PER2: variants seen among roughly 807,000 people sequenced by gnomAD.
PER2 encodes period circadian regulator 2.
Under a neutral mutation model 121.0 loss-of-function variants are expected in PER2, and 66 were observed. That is an observed-to-expected ratio of 0.55 (90% CI 0.45 to 0.67). The LOEUF is 0.67. PER2 is among the 30% of genes least tolerant of loss of function. The pLI, the probability that PER2 is intolerant of heterozygous loss-of-function variation, is 0.00. For synonymous variants in PER2, 684 were observed against 659.9 expected (o/e 1.04, Z -0.56); for missense variants, 1,521 against 1,635.0 (o/e 0.93, Z 1.20).
rs1001933189 is a variant in PER2, at chr2:238,253,095, G to T, written c.2928C>A (p.Ala976=). 6.2e-7 allele frequency: 1 copy of T among 1,609,138 alleles called. No homozygotes were observed. Among genetic ancestry groups the T allele is most frequent in the Non-Finnish European group, 8.5e-7 (1 of 1,176,468 alleles). ...TGCGGGACTGAAAGAGCGGTGGGGA[G>T]GCCCTACCCATGGCCGATGGTGGGG... The part of the protein sequence containing the change: ...RATPPSAMGR[A]SPPLFQSRSS... Residue 976 remains alanine, a synonymous_variant, in exon 19 of 23, where the codon GCC becomes GCA. Coordinates refer to ENST00000254657, the MANE Select transcript of PER2 (RefSeq NM_022817.3). This position sits in a 1 kb window ranked among gnomAD's most constrained non-coding sequence, Gnocchi z 5.6.
intron 1 of PER2, among the ~76,000 whole-genome samples, chr2:238,286,788 C>G (rs1696802347): frequency 1.3e-5 from 2 of 152,246 alleles, no homozygotes; most frequent in Non-Finnish European, 2.9e-5. Context: ...GTTACATCAT[C>G]GCTTAAAAAC....
In PER2 at chr2:238,255,781, T is replaced by C; in HGVS notation, c.2196A>G (p.Ala732=). The C allele has an allele frequency of 6.2e-7, 1 of 1,614,218 alleles. No homozygotes were observed. Among genetic ancestry groups the C allele is most frequent in the Non-Finnish European group, 8.5e-7 (1 of 1,180,018 alleles). The change falls in exon 18 of 23, where the codon GCA becomes GCG. Residue 732 remains alanine, a synonymous_variant. Transcript: ENST00000254657. The part of the protein sequence containing the change: ...KLGLTKEVLA[A]HTQKEEQSFL... ...AGCTCTGCTCCTCCTTCTGTGTGTG[T>C]GCAGCGAGTACCTCCTTGGTGAGGC... is the stretch of plus-strand genomic sequence containing the variant.
chr2:238,248,724 T>C (rs144245399), intron 22 of PER2, among the ~76,000 whole-genome samples: 2,934 of 151,826 alleles, frequency 0.019, 101 homozygotes, highest in East Asian at 0.12. Context: ...GGTGCCATCT[T>C]GGCTCCCTGC....
At chr2:238,274,982 A>G (rs1696407692) in intron 4 of PER2, among the ~76,000 whole-genome samples, 1 of 152,216 alleles carries the variant, frequency 6.6e-6, no homozygotes, top group African/African-American at 2.4e-5. Context: ...CTCACTGCTG[A>G]TGAAAAACTA....
chr2:238,251,616 G>GCGTC lies in PER2; in HGVS notation c.3253_3256dup (p.Ala1086GlyfsTer10), dbSNP rs771651674. ...CAACATACCTGCCCCACTCGGGGAGGCGTCGCAGCCCAGTGAGCCGGAGCC... is the reference window on the plus strand; with the variant it reads ...CAACATACCTGCCCCACTCGGGGAGGCGTCCGTCGCAGCCCAGTGAGCCGGAGCC... On this transcript the variant is annotated frameshift_variant, in exon 20 of 23. Coordinates refer to ENST00000254657, the MANE Select transcript of PER2 (RefSeq NM_022817.3). LOFTEE classifies it high-confidence loss of function. The GCGTC allele has an allele frequency of 1.2e-6, 2 of 1,614,192 alleles. No homozygotes were observed. The highest frequency in any genetic ancestry group is 2.7e-5 in the African/African-American group (2 of 75,066).
chr2:238,253,433 T>C lies in PER2; in HGVS notation c.2590A>G (p.Thr864Ala). 6.2e-7 allele frequency: 1 copy of C among 1,611,780 alleles called. No individual in the cohort carries two copies. Among genetic ancestry groups the C allele is most frequent in the South Asian group, 1.1e-5 (1 of 90,978 alleles). ...GGAGGTGCCGGGGGTGCTGCCACAGTCCCTGGCGCTGGAAACACGGGCAGT... is the reference window on the plus strand; with the variant it reads ...GGAGGTGCCGGGGGTGCTGCCACAGCCCCTGGCGCTGGAAACACGGGCAGT... The part of the protein sequence containing the change: ...YSLPVFPAPG[T>A]VAAPPAPPHA... Residue 864 changes from threonine (T) to alanine (A), a missense_variant, in exon 19 of 23, where the codon ACT becomes GCT. Transcript: ENST00000254657. The surrounding 1 kb of genome is among the most constrained non-coding windows in gnomAD (Gnocchi z 5.6).
chr2:238,258,185 A>G (rs1331254969), intron 16 of PER2, 91 bp downstream of exon 16: 9 of 1,385,724 alleles, frequency 6.5e-6, no homozygotes, highest in East Asian at 2.3e-5. Flanking sequence ...ACACCCTTAC[A>G]CTGTGTCCAC....
rs202103918 is a variant in PER2, at chr2:238,258,587, C to A, written c.1685G>T (p.Ser562Ile). Residue 562 changes from serine to isoleucine, a missense_variant, in exon 15 of 23, where the codon AGC becomes ATC. Coordinates refer to ENST00000254657, the MANE Select transcript of PER2 (RefSeq NM_022817.3). ...KKAVPAMEKD[S>I]LGVSFPEELA... ...CTCCTCGGGGAAGCTGACCCCCAGG[C>A]TGTCCTTTTCCATGGCAGGGACAGC... 4 of 1,614,096 alleles carry A rather than the reference C, an allele frequency of 2.5e-6. No homozygotes were observed. Among genetic ancestry groups the A allele is most frequent in the African/African-American group, 2.7e-5 (2 of 75,068 alleles).
At position 238,251,778 on chromosome 2, in the gene PER2, C is replaced by A. The variant is rs77082809; in HGVS notation, c.3112-17G>T. ...TTCATCACGCTTTAGGGACAGGAAG[C>A]AGATACTGCTGTTCAGGGGCTCAGT... On this transcript the variant is annotated splice_polypyrimidine_tract_variant and intron_variant, in intron 19 of 22. Transcript: ENST00000254657. 7,350 of 1,442,594 alleles carry A rather than the reference C, an allele frequency of 5.1e-3. 203 individuals carry two copies. In the East Asian group the frequency reaches 0.063, roughly 12 times the overall value. The allele number at this position is 1,442,594 out of a possible 1,614,324, so 89.4% of individuals were successfully genotyped here.
rs1175710847 is a variant in PER2 at position 238,244,719 on chromosome 2, AC to A, written c.*1655del. The A allele has an allele frequency of 6.6e-6, 1 of 152,234 alleles. No individual in the cohort carries two copies. The highest frequency in any genetic ancestry group is 2.4e-5 in the African/African-American group (1 of 41,456). The allele number at this position is 152,234 out of a possible 1,614,324, so 9.4% of individuals were successfully genotyped here. On this transcript the variant is annotated 3_prime_UTR_variant, in exon 23 of 23. Transcript: ENST00000254657. Reference sequence around the variant, plus strand: ...TTTTACGATGAAAACCTAGTGGATTACAAAGAGATTTCACCTCCATCAAAAA... The same window carrying A: ...TTTTACGATGAAAACCTAGTGGATTAAAAGAGATTTCACCTCCATCAAAAA...
rs981079558 is a variant in PER2, at chr2:238,266,185, G to C, written c.968-595C>G. 3.3e-5 allele frequency among the ~76,000 whole-genome samples: 5 copies of C among 152,274 alleles called. No individual in the cohort carries two copies. The South Asian group carries it at 1.0e-3, about 32-fold the overall frequency. ...CCCAAAGTGCTGGGACTACAGGCGTGAGCCACTGCGCCCGGCCCCATCTTT... is the reference window on the plus strand; with the variant it reads ...CCCAAAGTGCTGGGACTACAGGCGTCAGCCACTGCGCCCGGCCCCATCTTT... On this transcript the variant is annotated intron_variant, in intron 8 of 22. Coordinates refer to ENST00000254657, the MANE Select transcript of PER2 (RefSeq NM_022817.3).
intron 1 of PER2, among the ~76,000 whole-genome samples, chr2:238,286,091 C>G (rs1249808986): frequency 1.3e-5 from 2 of 152,128 alleles, no homozygotes; most frequent in African/African-American, 2.4e-5. Flanking sequence ...GATCTCAATT[C>G]AGACTTTTAA....
At chr2:238,297,578 T>C in the PER2 span, among the ~76,000 whole-genome samples, 2 of 152,152 alleles carry the variant, frequency 1.3e-5, no homozygotes, top group African/African-American at 4.8e-5. Flanking sequence ...CACAGGAAGA[T>C]GAGGAATGGG....
chr2:238,256,049 C>G (rs1457042871), intron 17 of PER2, 138 bp from the exon 18 acceptor site: 112 of 1,111,238 alleles, frequency 1.0e-4, no homozygotes, highest in Non-Finnish European at 9.2e-5. Flanking sequence ...ATGAGACTCA[C>G]AGCGTTTTCA....
intron 8 of PER2, among the ~76,000 whole-genome samples, chr2:238,266,119 G>A (rs977203596): frequency 1.3e-5 from 2 of 151,898 alleles, no homozygotes; most frequent in Admixed American, 6.6e-5. Flanking sequence ...TGGCCAGGAT[G>A]GTCTCGATCT....
intron 8 of PER2, among the ~76,000 whole-genome samples, chr2:238,265,940 G>A (rs146402203): frequency 3.2e-4 from 47 of 148,190 alleles, no homozygotes; most frequent in African/African-American, 1.1e-3. Flanking sequence ...GTCTTGCTGC[G>A]TTGCCCAGGC....
chr2:238,253,690 A>C lies in PER2; in HGVS notation c.2333T>G (p.Leu778Arg), dbSNP rs370444841. 4.5e-5 allele frequency: 73 copies of C among 1,605,302 alleles called. No homozygotes were observed. In the African/African-American group the frequency reaches 8.6e-4, roughly 19 times the overall value. Residue 778 changes from leucine (L) to arginine (R), a missense_variant, in exon 19 of 23, where the codon CTA becomes CGA. Leu to Arg is a moderately radical substitution (Grantham distance 102). Transcript: ENST00000254657. The surrounding 1 kb of genome is among the most constrained non-coding windows in gnomAD (Gnocchi z 5.6). The stretch of plus-strand genomic sequence containing the variant: ...TGAATCTATTCCGGAAGTATTTCTT[A>C]GTCCAGGGGCAGCTAATGCAGAAAA... Reference protein sequence around the residue: ...GQPSERTAPGLRNTSGIDSPW... With the variant: ...GQPSERTAPGRRNTSGIDSPW...
chr2:238,248,020 C>CCCA (rs1695493450), intron 22 of PER2, among the ~76,000 whole-genome samples: 1 of 152,178 alleles, frequency 6.6e-6, no homozygotes. Flanking sequence ...AATCTGCCAA[C>CCCA]CCACCAGCTG....
intron 1 of PER2, among the ~76,000 whole-genome samples, chr2:238,288,132 T>A (rs1170589519): frequency 6.6e-6 from 1 of 152,112 alleles, no homozygotes. Context: ...CGCCCCTCCA[T>A]GGCCCTTCCC....
Sources: gnomAD v4.1 joint callset for allele counts (sites outside exome capture counted in the v4.1 genomes callset) on GRCh38, gnomAD v4.1.1 for gene constraint, Gnocchi (gnomAD v3.1) non-coding constraint, MANE v1.5 for transcripts, NCBI Gene and HGNC (gene_info 2026-07-23, HGNC 2026-07-21) for gene names.